The following ERBB4 variants were observed in gnomAD, a reference collection of about 807,000 sequenced individuals.
ERBB4 encodes receptor tyrosine-protein kinase erbB-4.
In ERBB4, 42 loss-of-function variants were observed where a neutral mutation model predicts 158.0. The observed-to-expected ratio is 0.27, with a 90% confidence interval of 0.21 to 0.34. ERBB4 has a LOEUF of 0.34. Ranked by LOEUF, ERBB4 falls within the 10% of genes least tolerant of loss-of-function variation. The pLI is 1.00. For missense variants in ERBB4, 1,333 were observed against 1,624.1 expected (o/e 0.82, Z 3.08); for synonymous variants, 583 against 558.7 (o/e 1.04, Z -0.61).
At chr2:211,589,140 AG>A (rs1221313130) in intron 19 of ERBB4, among the ~76,000 whole-genome samples, 2 of 152,166 alleles carry the variant, frequency 1.3e-5, no homozygotes, top group Non-Finnish European at 2.9e-5. Context: ...AGCCAACAAA[AG>A]TTAGGCCAAG....
chr2:212,499,311 T>C (rs972093551), intron 1 of ERBB4, among the ~76,000 whole-genome samples: 2 of 152,036 alleles, frequency 1.3e-5, no homozygotes, highest in Admixed American at 6.6e-5. Flanking sequence ...ATATTAAATA[T>C]ATAAAGTGCT....
At chr2:211,406,474 T>C (rs1342935460) in intron 25 of ERBB4, among the ~76,000 whole-genome samples, 2 of 152,128 alleles carry the variant, frequency 1.3e-5, no homozygotes, top group Non-Finnish European at 2.9e-5. Context: ...AAAATTAACA[T>C]TTATGAGGAA....
chr2:211,779,666 GA>G (rs2075986177), intron 4 of ERBB4: 1 of 152,076 alleles, frequency 6.6e-6, no homozygotes, highest in Admixed American at 6.6e-5. Context: ...GCTTCAAAAC[GA>G]AAAGTACTAA....
At chr2:211,721,443 C>CAAAAAAAGAAAA (rs2074087204) in intron 7 of ERBB4, among the ~76,000 whole-genome samples, 1 of 54,500 alleles carries the variant, frequency 1.8e-5, no homozygotes, top group Admixed American at 2.9e-4. Flanking sequence ...TTACTCAAAG[C>CAAAAAAAGAAAA]AAAAAAAAAA....
At chr2:211,851,997 A>T (rs1277921489) in intron 3 of ERBB4, among the ~76,000 whole-genome samples, 1 of 151,938 alleles carries the variant, frequency 6.6e-6, no homozygotes, top group Non-Finnish European at 1.5e-5. Context: ...ACAGAAAACA[A>T]TAAAAATATT....
At chr2:211,813,150 G>A (rs890157340) in intron 3 of ERBB4, among the ~76,000 whole-genome samples, 6 of 152,136 alleles carry the variant, frequency 3.9e-5, no homozygotes, top group Admixed American at 1.3e-4. Flanking sequence ...GCTGCAGACC[G>A]GAGCTGTTGC....
chr2:212,490,959 T>C (rs1256398468), intron 1 of ERBB4, among the ~76,000 whole-genome samples: 2 of 151,756 alleles, frequency 1.3e-5, no homozygotes, highest in East Asian at 1.9e-4. Context: ...ATCCAATTTC[T>C]TATTCTTTTG....
chr2:211,558,380 C>T (rs2067294944), intron 20 of ERBB4, among the ~76,000 whole-genome samples: 1 of 152,114 alleles, frequency 6.6e-6, no homozygotes, highest in Admixed American at 6.5e-5. Context: ...ATCCTTCTGC[C>T]TCCCACTTAC....
At chr2:212,156,435 TC>T (rs1250355608) in intron 1 of ERBB4, among the ~76,000 whole-genome samples, 1 of 152,090 alleles carries the variant, frequency 6.6e-6, no homozygotes. Flanking sequence ...ATAATTCGGT[TC>T]ATCCCTCCAA....
intron 20 of ERBB4, among the ~76,000 whole-genome samples, chr2:211,494,436 A>G (rs1200591931): frequency 6.9e-6 from 1 of 145,920 alleles, no homozygotes; most frequent in Non-Finnish European, 1.5e-5. Context: ...ACACCAAATA[A>G]AAGTTTACTT....
At chr2:211,844,399 A>C (rs1321451755) in intron 3 of ERBB4, among the ~76,000 whole-genome samples, 2 of 152,182 alleles carry the variant, frequency 1.3e-5, no homozygotes, top group East Asian at 3.8e-4. Context: ...AATAATGATA[A>C]ATGAATAAAC....
chr2:212,363,697 G>A (rs892323527), intron 1 of ERBB4, among the ~76,000 whole-genome samples: 5 of 151,388 alleles, frequency 3.3e-5, no homozygotes, highest in African/African-American at 1.2e-4. Context: ...ATAAATTTTT[G>A]TTAGATAATT....
intron 2 of ERBB4, among the ~76,000 whole-genome samples, chr2:212,059,644 C>A (rs2077697517): frequency 6.6e-6 from 1 of 152,154 alleles, no homozygotes. Context: ...TACCACACAT[C>A]TACAACCATC....
intron 1 of ERBB4, among the ~76,000 whole-genome samples, chr2:212,170,394 C>T (rs991884331): frequency 6.6e-5 from 10 of 152,140 alleles, no homozygotes; most frequent in African/African-American, 1.4e-4. Context: ...GGAAAATTTG[C>T]AGCCTGATGA....
intron 2 of ERBB4, among the ~76,000 whole-genome samples, chr2:211,973,065 A>T (rs921943337): frequency 6.7e-6 from 1 of 150,126 alleles, no homozygotes; most frequent in Non-Finnish European, 1.5e-5. Flanking sequence ...ACATAAGCAA[A>T]TTGACAAGAA....
intron 3 of ERBB4, among the ~76,000 whole-genome samples, chr2:211,859,498 T>A (rs73071335): frequency 0.016 from 2,410 of 152,284 alleles, 71 homozygotes; most frequent in African/African-American, 0.055. Flanking sequence ...TTCAGGTAAA[T>A]GACTATTCTT....
At chr2:211,440,459 T>C (rs1237438121) in intron 20 of ERBB4, among the ~76,000 whole-genome samples, 1 of 152,194 alleles carries the variant, frequency 6.6e-6, no homozygotes, top group Non-Finnish European at 1.5e-5. Context: ...AGCATACATA[T>C]TGTGCAAATG....
chr2:211,488,507 T>C (rs976846046), intron 20 of ERBB4, among the ~76,000 whole-genome samples: 3 of 152,140 alleles, frequency 2.0e-5, no homozygotes, highest in Admixed American at 2.0e-4. Context: ...ATTAACATTT[T>C]ATTTAAGAAA....
chr2:212,079,366 T>A (rs546584892), intron 2 of ERBB4, among the ~76,000 whole-genome samples: 2 of 152,014 alleles, frequency 1.3e-5, no homozygotes, highest in African/African-American at 4.8e-5. Context: ...GAATTCACGA[T>A]AGCTAAAACA....
Sources: gnomAD v4.1 joint callset for allele counts (sites outside exome capture counted in the v4.1 genomes callset) on GRCh38, gnomAD v4.1.1 for gene constraint, MANE v1.5 for transcripts, NCBI Gene and HGNC (gene_info 2026-07-23, HGNC 2026-07-21) for gene names.